Variants in XRCC5 observed in about 807,000 individuals in gnomAD.
XRCC5 encodes the protein DNA repair protein Ku80.
In XRCC5, 12 loss-of-function variants were observed where a neutral mutation model predicts 95.7. The observed-to-expected ratio is 0.13, with a 90% CI of 0.08 to 0.20. The LOEUF (loss-of-function observed/expected upper bound fraction) is 0.20. Ranked by LOEUF, XRCC5 falls within the 10% of genes least tolerant of loss-of-function variation. The pLI, the probability that XRCC5 is intolerant of heterozygous loss-of-function variation, is 1.00. For synonymous variants in XRCC5, 281 were observed against 290.3 expected (o/e 0.97, Z 0.33); for missense variants, 595 against 873.9 (o/e 0.68, Z 4.02).
At chr2:216,129,514 T>A (rs1354279795) in intron 8 of XRCC5, among the ~76,000 whole-genome samples, 1 of 152,230 alleles carries the variant, frequency 6.6e-6, no homozygotes, top group African/African-American at 2.4e-5. Context: ...AGTTACACAA[T>A]TCACACGATT....
intron 14 of XRCC5, among the ~76,000 whole-genome samples, chr2:216,152,707 GA>G (rs1316901768): frequency 2.0e-5 from 3 of 150,864 alleles, no homozygotes; most frequent in Non-Finnish European, 4.4e-5. Flanking sequence ...ACCCAGGCTG[GA>G]GTGCAGTGGC....
chr2:216,141,117 C>G (rs774812546), intron 12 of XRCC5, 69 bp from the exon 13 acceptor site: 1 of 1,580,774 alleles, frequency 6.3e-7, no homozygotes, highest in Admixed American at 1.7e-5. Context: ...GATATCTCTA[C>G]GTAGAAAGCA....
intron 14 of XRCC5, among the ~76,000 whole-genome samples, chr2:216,152,598 T>A (rs1264953389): frequency 6.6e-6 from 1 of 151,984 alleles, no homozygotes; most frequent in East Asian, 1.9e-4. Context: ...ATTTATTTCA[T>A]CCTGCCTAAA....
At chr2:216,122,929 A>G (rs1696837233) in intron 6 of XRCC5, among the ~76,000 whole-genome samples, 1 of 152,184 alleles carries the variant, frequency 6.6e-6, no homozygotes, top group African/African-American at 2.4e-5. Flanking sequence ...TCCTTTATCC[A>G]TCTTATTCTT....
At chr2:216,188,951 G>A (rs1417848416) in intron 16 of XRCC5, among the ~76,000 whole-genome samples, 1 of 152,240 alleles carries the variant, frequency 6.6e-6, no homozygotes, top group Non-Finnish European at 1.5e-5. Context: ...CGAGTTGGTA[G>A]AAGGGATGAA....
intron 16 of XRCC5, among the ~76,000 whole-genome samples, chr2:216,169,882 A>AC (rs1689123536): frequency 3.3e-5 from 5 of 150,678 alleles, no homozygotes; most frequent in Admixed American, 6.6e-5. Flanking sequence ...AAAAAAAAAA[A>AC]AACAAACTTA....
intron 16 of XRCC5, among the ~76,000 whole-genome samples, chr2:216,187,482 G>T (rs1689517445): frequency 9.9e-6 from 1 of 101,086 alleles, no homozygotes; most frequent in South Asian, 3.2e-4. Flanking sequence ...GTGTGTGTGT[G>T]TGTGTGTGTG....
chr2:216,124,412 A>G (rs1414573762), intron 6 of XRCC5, among the ~76,000 whole-genome samples: 2 of 152,122 alleles, frequency 1.3e-5, no homozygotes, highest in Non-Finnish European at 2.9e-5. Context: ...ATGCCCAGCT[A>G]CTCAGATCTT....
chr2:216,117,438 T>C, intron 3 of XRCC5: 1 of 349,478 alleles, frequency 2.9e-6, no homozygotes, highest in Non-Finnish European at 5.3e-6. Context: ...TATTTAAGAA[T>C]GGACTGTGGC....
rs186794074 is a variant in XRCC5, at chr2:216,124,186, T to A, written c.684-1731T>A. Reference sequence around the variant, plus strand: ...GGACTAGATTATCTCCATATAGATCTTAGGAAGAGAACTTGACATCTACCT... The same window carrying A: ...GGACTAGATTATCTCCATATAGATCATAGGAAGAGAACTTGACATCTACCT... On this transcript the variant is annotated intron_variant, in intron 6 of 20. Coordinates refer to ENST00000392132, the MANE Select transcript of XRCC5 (RefSeq NM_021141.4). Among the ~76,000 whole-genome samples, 302 of 152,310 alleles carry A rather than the reference T, an allele frequency of 2.0e-3. 2 individuals carry two copies. Among genetic ancestry groups the A allele is most frequent in the African/African-American group, 6.9e-3 (286 of 41,556 alleles).
At position 216,203,848 on chromosome 2, in the gene XRCC5, C is replaced by CTTTTTT. The variant is rs56250537; in HGVS notation, c.2110-462_2110-457dup. Reference sequence around the variant, plus strand: ...GAATTTAAGAGTAGATTATTCTAAGCTTTTTTTTTTTTTTTTTCCTGATTC... The same window carrying CTTTTTT: ...GAATTTAAGAGTAGATTATTCTAAGCTTTTTTTTTTTTTTTTTTTTTTTCCTGATTC... On this transcript the variant is annotated intron_variant, in intron 19 of 20. Transcript: ENST00000392132. Among the ~76,000 whole-genome samples, 39 of 118,766 alleles carry CTTTTTT rather than the reference C, an allele frequency of 3.3e-4. 1 individual carries two copies. The highest frequency in any genetic ancestry group is 1.4e-3 in the South Asian group (5 of 3,540). The allele number at this position is 118,766 out of a possible 152,430, so 77.9% of individuals were successfully genotyped here.
intron 14 of XRCC5, among the ~76,000 whole-genome samples, chr2:216,151,943 G>T (rs1200834673): frequency 2.0e-5 from 3 of 152,180 alleles, no homozygotes; most frequent in African/African-American, 7.2e-5. Flanking sequence ...GGCAGAAGGC[G>T]AGGGAGAAGC....
rs186016560 is a variant in XRCC5 at position 216,139,117 on chromosome 2, G to C, written c.1342+938G>C. On this transcript the variant is annotated intron_variant, in intron 12 of 20. Coordinates refer to ENST00000392132, the MANE Select transcript of XRCC5 (RefSeq NM_021141.4). ...CAGTATTACTCTGTCTCTATTTCCT[G>C]ATAATTCCAAAATTTAAATGAGTAG... 2.2e-4 allele frequency among the ~76,000 whole-genome samples: 33 copies of C among 152,208 alleles called. No homozygotes were observed. The East Asian group carries it at 6.4e-3, about 29-fold the overall frequency.
Position 216,205,524 on chromosome 2 carries a change from G to A in XRCC5, c.*322G>A. 1 of 341,690 alleles carries A rather than the reference G, an allele frequency of 2.9e-6. No individual in the cohort carries two copies. 21.2% of individuals were successfully genotyped at this position (341,690 alleles called of 1,614,324 possible). On this transcript the variant is annotated 3_prime_UTR_variant, in exon 21 of 21. Transcript: ENST00000392132. ...GGAAAGTAGATCTTTTCTTGACCTA[G>A]TATATCAGTGACAGTTGCAGCCCTT... is the stretch of plus-strand genomic sequence containing the variant.
At chr2:216,198,962 CAAGG>C (rs760396215) in intron 19 of XRCC5, among the ~76,000 whole-genome samples, 3 of 152,152 alleles carry the variant, frequency 2.0e-5, no homozygotes, top group Non-Finnish European at 2.9e-5. Flanking sequence ...GATTCTGGCT[CAAGG>C]AAGCTGATTT....
intron 17 of XRCC5, among the ~76,000 whole-genome samples, chr2:216,192,228 A>G (rs1689626631): frequency 6.6e-6 from 1 of 152,102 alleles, no homozygotes. Context: ...TCCTGACCTC[A>G]GGTGATCTGC....
intron 14 of XRCC5, among the ~76,000 whole-genome samples, chr2:216,150,529 G>A (rs922886802): frequency 2.0e-5 from 3 of 152,172 alleles, no homozygotes; most frequent in African/African-American, 7.2e-5. Context: ...ATGTGGTATG[G>A]CCTTTTGTCC....
intron 10 of XRCC5, among the ~76,000 whole-genome samples, chr2:216,133,479 G>C (rs961633061): frequency 5.3e-5 from 8 of 152,168 alleles, no homozygotes; most frequent in Non-Finnish European, 1.2e-4. Flanking sequence ...CCTTGCTTCT[G>C]CTGAAGTTTT....
chr2:216,111,950 C>T (rs1180574079), intron 1 of XRCC5, among the ~76,000 whole-genome samples: 2 of 151,854 alleles, frequency 1.3e-5, no homozygotes, highest in Non-Finnish European at 2.9e-5. Context: ...CTTCTTTTCT[C>T]TTCTTGAATT....
Sources: allele counts gnomAD v4.1 joint callset (sites outside exome capture counted in the v4.1 genomes callset), GRCh38; gene constraint gnomAD v4.1.1; transcripts MANE v1.5; gene names NCBI Gene and HGNC (gene_info 2026-07-23, HGNC 2026-07-21).